The following FAM110B variants were observed in gnomAD, a reference collection of about 807,000 sequenced individuals.
FAM110B encodes family with sequence similarity 110 member B.
A neutral mutation model predicts 20.4 loss-of-function variants in FAM110B; 6 were observed. The observed-to-expected ratio is 0.29, with a 90% CI of 0.16 to 0.58. The LOEUF (loss-of-function observed/expected upper bound fraction) is 0.58. Among genes scored for constraint, FAM110B ranks in the 20% least tolerant of loss-of-function variants. FAM110B has a pLI of 0.90. For missense variants in FAM110B, 434 were observed against 498.2 expected, an observed-to-expected ratio of 0.87 and a Z score of 1.23; for synonymous variants, 226 against 214.1, an observed-to-expected ratio of 1.06 and a Z score of -0.49.
intron 2 of FAM110B, among the ~76,000 whole-genome samples, chr8:58,069,857 T>A (rs1257092493): frequency 6.6e-6 from 1 of 152,198 alleles, no homozygotes; most frequent in East Asian, 1.9e-4. Context: ...AAGCCGATAG[T>A]GCTATACATT....
At chr8:58,053,971 G>T (rs1236178628) in intron 2 of FAM110B, among the ~76,000 whole-genome samples, 4 of 152,194 alleles carry the variant, frequency 2.6e-5, no homozygotes, top group Non-Finnish European at 5.9e-5. Context: ...CATGGTGGAA[G>T]ATTTATGGAC....
At chr8:58,040,504 G>T (rs1805191231) in intron 2 of FAM110B, among the ~76,000 whole-genome samples, 1 of 152,160 alleles carries the variant, frequency 6.6e-6, no homozygotes. Flanking sequence ...GCTCTGCCTA[G>T]ATTAGAGCTG....
chr8:58,138,452 C>T (rs999248291), intron 3 of FAM110B, among the ~76,000 whole-genome samples: 1 of 152,166 alleles, frequency 6.6e-6, no homozygotes, highest in Admixed American at 6.5e-5. Context: ...AGACTCTGCC[C>T]TTAGACTTCT....
chr8:58,010,317 C>T (rs937583139), intron 1 of FAM110B, among the ~76,000 whole-genome samples: 7 of 152,028 alleles, frequency 4.6e-5, no homozygotes, highest in African/African-American at 1.7e-4. Flanking sequence ...CCACCATGCC[C>T]GGTCTCGTTT....
At chr8:58,086,136 G>A (rs374826462) in intron 3 of FAM110B, among the ~76,000 whole-genome samples, 2 of 152,166 alleles carry the variant, frequency 1.3e-5, no homozygotes, top group Non-Finnish European at 2.9e-5. Flanking sequence ...GTTCATAACC[G>A]AATCTGCAGC....
intron 1 of FAM110B, among the ~76,000 whole-genome samples, chr8:58,010,306 G>T (rs112984238): frequency 6.6e-6 from 1 of 151,814 alleles, no homozygotes; most frequent in Non-Finnish European, 1.5e-5. Context: ...ACAGGTGTGC[G>T]CCACCATGCC....
At chr8:58,020,881 G>A (rs1804738280) in intron 1 of FAM110B, among the ~76,000 whole-genome samples, 1 of 149,762 alleles carries the variant, frequency 6.7e-6, no homozygotes, top group African/African-American at 2.5e-5. Context: ...TCTCTCTGAT[G>A]GCTTGTTCCT....
intron 1 of FAM110B, among the ~76,000 whole-genome samples, chr8:58,030,991 G>A (rs1406560747): frequency 6.6e-6 from 1 of 152,074 alleles, no homozygotes; most frequent in Non-Finnish European, 1.5e-5. Context: ...GTTAATTTTT[G>A]CTGATAATGA....
chr8:58,099,117 A>C (rs1009615248), intron 3 of FAM110B: 1 of 152,132 alleles, frequency 6.6e-6, no homozygotes, highest in Non-Finnish European at 1.5e-5. Context: ...CTGATTTCTT[A>C]GTTGAAAACT....
chr8:58,120,756 A>G (rs1195022377), intron 3 of FAM110B, among the ~76,000 whole-genome samples: 1 of 152,186 alleles, frequency 6.6e-6, no homozygotes, highest in African/African-American at 2.4e-5. Flanking sequence ...TCTGGGATCC[A>G]TGAAATTCCC....
rs938194670 is a variant in FAM110B, at chr8:58,126,360, CT to C, written c.-324-19546del. On this transcript the variant is annotated intron_variant, in intron 3 of 3. Transcript: ENST00000519262. ...TTACAAGTAAAGCTGCTCTGAACAA[CT>C]GTGTATAGTTTTTGTGTGGATATAG... 8.8e-4 allele frequency among the ~76,000 whole-genome samples: 134 copies of C among 152,298 alleles called. 1 individual carries two copies. The highest frequency in any genetic ancestry group is 3.0e-3 in the African/African-American group (126 of 41,574).
intron 3 of FAM110B, among the ~76,000 whole-genome samples, chr8:58,134,510 T>C (rs1188336441): frequency 6.6e-6 from 1 of 152,250 alleles, no homozygotes; most frequent in East Asian, 1.9e-4. Flanking sequence ...ATTGGGCCTT[T>C]ACAATATGAA....
In FAM110B at chr8:58,057,876, C is replaced by T. The variant is rs544575827; in HGVS notation, c.-413-17659C>T. Reference sequence around the variant, plus strand: ...TAAAGGTTAGCTATTCCTCGGCTGTCGCTAAATGATTCACCTGGTGCTTGT... The same window carrying T: ...TAAAGGTTAGCTATTCCTCGGCTGTTGCTAAATGATTCACCTGGTGCTTGT... On this transcript the variant is annotated intron_variant, in intron 2 of 3. Coordinates refer to ENST00000519262, the MANE Select transcript of FAM110B (RefSeq NM_001377989.1). Among the ~76,000 whole-genome samples the T allele has an allele frequency of 1.1e-4, 17 of 152,354 alleles. No homozygotes were observed. In the South Asian group the frequency reaches 3.1e-3, roughly 28 times the overall value.
chr8:58,076,204 T>C (rs1806032765), intron 3 of FAM110B, among the ~76,000 whole-genome samples: 1 of 152,156 alleles, frequency 6.6e-6, no homozygotes, highest in East Asian at 1.9e-4. Context: ...AAGCAGTCCT[T>C]CCACCTCGCC....
intron 1 of FAM110B, among the ~76,000 whole-genome samples, chr8:58,003,907 C>A (rs1257365649): frequency 6.6e-6 from 1 of 152,148 alleles, no homozygotes; most frequent in Non-Finnish European, 1.5e-5. Flanking sequence ...GAGAGTCAGC[C>A]TGTCTTTTGA....
At chr8:58,013,459 G>A (rs903202500) in intron 1 of FAM110B, among the ~76,000 whole-genome samples, 4 of 152,194 alleles carry the variant, frequency 2.6e-5, no homozygotes, top group Non-Finnish European at 5.9e-5. Context: ...AAAGGCCCTG[G>A]TGGGATGGAG....
At chr8:58,115,807 T>C (rs1278734957) in intron 3 of FAM110B, among the ~76,000 whole-genome samples, 1 of 152,198 alleles carries the variant, frequency 6.6e-6, no homozygotes, top group African/African-American at 2.4e-5. Flanking sequence ...TGTATTATGC[T>C]GAGTATAACT....
intron 3 of FAM110B, among the ~76,000 whole-genome samples, chr8:58,093,128 C>T (rs1806527467): frequency 6.6e-6 from 1 of 151,260 alleles, no homozygotes; most frequent in East Asian, 2.0e-4. Context: ...TGTTTAAGTT[C>T]CTTGTCGATT....
intron 1 of FAM110B, among the ~76,000 whole-genome samples, chr8:57,999,712 A>G (rs982164230): frequency 6.6e-6 from 1 of 152,186 alleles, no homozygotes; most frequent in South Asian, 2.1e-4. Flanking sequence ...TTGAGGCTTT[A>G]TTGTGTAAAG....
Sources: gnomAD v4.1 joint callset for allele counts (sites outside exome capture counted in the v4.1 genomes callset) on GRCh38, gnomAD v4.1.1 for gene constraint, MANE v1.5 for transcripts, NCBI Gene and HGNC (gene_info 2026-07-23, HGNC 2026-07-21) for gene names.